TMEM132D: variants seen among roughly 807,000 people sequenced by gnomAD.
TMEM132D encodes the protein transmembrane protein 132D.
In TMEM132D, 21 loss-of-function variants were observed where a neutral mutation model predicts 62.3. The observed-to-expected ratio is 0.34, with a 90% CI of 0.24 to 0.49. The LOEUF (loss-of-function observed/expected upper bound fraction) is 0.49. TMEM132D is among the 20% of genes least tolerant of loss of function. TMEM132D has a pLI of 0.99. For synonymous variants in TMEM132D, 621 were observed against 575.6 expected, an observed-to-expected ratio of 1.08 and a Z score of -1.13; for missense variants, 1,346 against 1,402.8, an observed-to-expected ratio of 0.96 and a Z score of 0.65.
chr12:129,448,084 G>A (rs778251386), intron 3 of TMEM132D, among the ~76,000 whole-genome samples: 1 of 151,932 alleles, frequency 6.6e-6, no homozygotes, highest in Non-Finnish European at 1.5e-5. Flanking sequence ...GAGGGAATAT[G>A]GCCCACGGAC....
chr12:129,217,158 T>A (rs1322592317), intron 4 of TMEM132D, among the ~76,000 whole-genome samples: 1 of 152,148 alleles, frequency 6.6e-6, no homozygotes, highest in African/African-American at 2.4e-5. Context: ...CTGCATCAAC[T>A]GATTCCTTCC....
Position 129,780,487 on chromosome 12 carries a change from G to A in TMEM132D, c.80-79789C>T, listed in dbSNP as rs79947362. Among the ~76,000 whole-genome samples, 271 of 152,196 alleles carry A rather than the reference G, an allele frequency of 1.8e-3. 1 individual carries two copies. Among genetic ancestry groups the A allele is most frequent in the African/African-American group, 6.4e-3 (266 of 41,542 alleles). ...CCAGGAACCCAGAGCCCTCATTCCT[G>A]GATAGCGACCTTTGTGGTAGCTGAG... On this transcript the variant is annotated intron_variant, in intron 1 of 8. Coordinates refer to ENST00000422113, the MANE Select transcript of TMEM132D (RefSeq NM_133448.3).
At chr12:129,622,696 C>T (rs2137160607) in intron 2 of TMEM132D, among the ~76,000 whole-genome samples, 1 of 152,322 alleles carries the variant, frequency 6.6e-6, no homozygotes, top group East Asian at 1.9e-4. Context: ...CTACGTAGAA[C>T]CTGGCGGGGA....
At chr12:129,687,934 T>C (rs572940412) in intron 2 of TMEM132D, among the ~76,000 whole-genome samples, 1 of 152,264 alleles carries the variant, frequency 6.6e-6, no homozygotes, top group South Asian at 2.1e-4. Context: ...AGGAAAATGG[T>C]AGGCACTCAC....
chr12:129,232,626 G>C (rs1879672881), intron 4 of TMEM132D, among the ~76,000 whole-genome samples: 1 of 152,064 alleles, frequency 6.6e-6, no homozygotes, highest in Non-Finnish European at 1.5e-5. Context: ...TTTGCCCCAG[G>C]TCCCCTGCTC....
chr12:129,807,449 A>G (rs574402985), intron 1 of TMEM132D, among the ~76,000 whole-genome samples: 1 of 152,242 alleles, frequency 6.6e-6, no homozygotes, highest in South Asian at 2.1e-4. Context: ...CGCCATCCCA[A>G]TCCCCACCAC....
In TMEM132D at chr12:129,867,429, C is replaced by T. The variant is rs1874093455; in HGVS notation, c.79+35832G>A. ...AGGAGCAGAGTAAAATGGTAGTTGC[C>T]AGGGCTCAGCAACACTGGTGAGAGA... On this transcript the variant is annotated intron_variant, in intron 1 of 8. Transcript: ENST00000422113. This position sits in a 1 kb window ranked among gnomAD's most constrained non-coding sequence, Gnocchi z 4.5. 6.6e-6 allele frequency among the ~76,000 whole-genome samples: 1 copy of T among 152,096 alleles called. No homozygotes were observed. The highest frequency in any genetic ancestry group is 2.4e-5 in the African/African-American group (1 of 41,418).
intron 1 of TMEM132D, among the ~76,000 whole-genome samples, chr12:129,826,369 T>A (rs1872665298): frequency 6.6e-6 from 1 of 152,160 alleles, no homozygotes; most frequent in South Asian, 2.1e-4. Context: ...TGATACAGCA[T>A]GACATAGCTG....
rs140358841 is a variant in TMEM132D, at chr12:129,194,611, T to C, written c.1443+14909A>G. Among the ~76,000 whole-genome samples, 5 of 152,234 alleles carry C rather than the reference T, an allele frequency of 3.3e-5. No individual in the cohort carries two copies. The South Asian group carries it at 1.0e-3, about 32-fold the overall frequency. On this transcript the variant is annotated intron_variant, in intron 5 of 8. Coordinates refer to ENST00000422113, the MANE Select transcript of TMEM132D (RefSeq NM_133448.3). ...TCACGTGTACCCCCAAACCTAAAAG[T>C]TCAATAAAAATAAAAATAAACATTA...
intron 2 of TMEM132D, among the ~76,000 whole-genome samples, chr12:129,605,683 A>G (rs1878606846): frequency 6.6e-6 from 1 of 151,128 alleles, no homozygotes; most frequent in Non-Finnish European, 1.5e-5. Context: ...ATATTTGTAG[A>G]TAGAAAGTGT....
At chr12:129,474,637 G>A (rs1286712660) in intron 3 of TMEM132D, among the ~76,000 whole-genome samples, 1 of 152,152 alleles carries the variant, frequency 6.6e-6, no homozygotes, top group Non-Finnish European at 1.5e-5. Flanking sequence ...CCTTCGCGTT[G>A]ACAGCTGAAT....
intron 3 of TMEM132D, among the ~76,000 whole-genome samples, chr12:129,485,027 T>C (rs1225203397): frequency 6.6e-6 from 1 of 152,114 alleles, no homozygotes; most frequent in Non-Finnish European, 1.5e-5. Context: ...ACATTCCAGG[T>C]GCCCAGGCCT....
chr12:129,113,800 C>A (rs1286941257), intron 5 of TMEM132D, among the ~76,000 whole-genome samples: 1 of 151,764 alleles, frequency 6.6e-6, no homozygotes, highest in Non-Finnish European at 1.5e-5. Flanking sequence ...AGAAGGAGAG[C>A]AATACATGGC....
chr12:129,508,793 T>C lies in TMEM132D; in HGVS notation c.1115+22266A>G, dbSNP rs1464555290. Among the ~76,000 whole-genome samples the C allele has an allele frequency of 2.0e-5, 3 of 152,202 alleles. No homozygotes were observed. The East Asian group carries it at 5.8e-4, about 29-fold the overall frequency. ...TATTAAAAAAATGAGTGGTGAATGCTGGGTCTAAGGGGGATACGCATTGAT... is the reference window on the plus strand; with the variant it reads ...TATTAAAAAAATGAGTGGTGAATGCCGGGTCTAAGGGGGATACGCATTGAT... On this transcript the variant is annotated intron_variant, in intron 3 of 8. Transcript: ENST00000422113.
chr12:129,440,735 C>G (rs1407890551), intron 3 of TMEM132D, among the ~76,000 whole-genome samples: 1 of 152,160 alleles, frequency 6.6e-6, no homozygotes, highest in Non-Finnish European at 1.5e-5. Flanking sequence ...TTTTACTTCC[C>G]TCTCGAACGC....
chr12:129,125,372 T>A (rs1199911076), intron 5 of TMEM132D, among the ~76,000 whole-genome samples: 1 of 152,162 alleles, frequency 6.6e-6, no homozygotes, highest in Non-Finnish European at 1.5e-5. Context: ...AAGACACAAT[T>A]CCCCTAGCTT....
intron 3 of TMEM132D, among the ~76,000 whole-genome samples, chr12:129,498,016 G>A (rs1160561389): frequency 1.3e-5 from 2 of 151,926 alleles, no homozygotes; most frequent in Non-Finnish European, 2.9e-5. Flanking sequence ...CCCAGCTCTG[G>A]TTGTTTTTTT....
intron 1 of TMEM132D, among the ~76,000 whole-genome samples, chr12:129,707,225 A>C (rs983887479): frequency 6.7e-6 from 1 of 148,158 alleles, no homozygotes; most frequent in Non-Finnish European, 1.5e-5. Flanking sequence ...TATATTATAT[A>C]TGTATATAAT....
chr12:129,858,765 GAAAC>G (rs1873773669), intron 1 of TMEM132D, among the ~76,000 whole-genome samples: 4 of 81,450 alleles, frequency 4.9e-5, no homozygotes, highest in African/African-American at 1.7e-4. Flanking sequence ...GGAGTCCGGG[GAAAC>G]GGGATGGGTG....
Sources: allele counts gnomAD v4.1 joint callset (sites outside exome capture counted in the v4.1 genomes callset), GRCh38; gene constraint gnomAD v4.1.1; non-coding constraint Gnocchi (gnomAD v3.1); transcripts MANE v1.5; gene names NCBI Gene and HGNC (gene_info 2026-07-23, HGNC 2026-07-21).